MON2: variants seen among roughly 807,000 people sequenced by gnomAD.
MON2 encodes protein MON2 homolog.
Under a neutral mutation model 208.6 loss-of-function variants are expected in MON2, and 84 were observed. That is an observed-to-expected ratio of 0.40 (90% CI 0.34 to 0.48). The LOEUF is 0.48. Among genes scored for constraint, MON2 ranks in the 20% least tolerant of loss-of-function variants. MON2 has a pLI of 0.59. For missense variants in MON2, 1,611 were observed against 2,015.4 expected, an observed-to-expected ratio of 0.80 and a Z score of 3.84; for synonymous variants, 660 against 694.0, an observed-to-expected ratio of 0.95 and a Z score of 0.77.
chr12:62,571,462 C>T lies in MON2; in HGVS notation c.4394C>T (p.Ser1465Phe). The change falls in exon 30 of 35, where the codon TCT (serine) becomes TTT (phenylalanine). Residue 1465 changes from serine (S) to phenylalanine (F), a missense_variant. Transcript: ENST00000393630. ...SESTWKLAVS[S>F]LLRVLSIGLP... Reference sequence around the variant, plus strand: ...AGCACATGGAAACTAGCAGTATCCTCTCTCCTCAGAGTTCTTTCTATTGGG... The same window carrying T: ...AGCACATGGAAACTAGCAGTATCCTTTCTCCTCAGAGTTCTTTCTATTGGG... The T allele has an allele frequency of 6.2e-7, 1 of 1,613,182 alleles. No individual in the cohort carries two copies. The highest frequency in any genetic ancestry group is 2.2e-5 in the East Asian group (1 of 44,858).
At chr12:62,589,283 T>C (rs1353817862) in intron 34 of MON2, among the ~76,000 whole-genome samples, 5 of 152,220 alleles carry the variant, frequency 3.3e-5, no homozygotes, top group African/African-American at 1.2e-4. Flanking sequence ...TGGTTTACAT[T>C]CTGGCACAAG....
intron 22 of MON2, among the ~76,000 whole-genome samples, chr12:62,547,898 G>T (rs2073565995): frequency 6.6e-6 from 1 of 152,102 alleles, no homozygotes; most frequent in Non-Finnish European, 1.5e-5. Flanking sequence ...CTAGGTTTGT[G>T]TCAGTAAACT....
chr12:62,536,592 A>G (rs2072983091), intron 14 of MON2, among the ~76,000 whole-genome samples: 1 of 152,182 alleles, frequency 6.6e-6, no homozygotes, highest in South Asian at 2.1e-4. Flanking sequence ...GCTTATGAAG[A>G]AATCTACCAA....
intron 26 of MON2, among the ~76,000 whole-genome samples, chr12:62,564,817 C>T (rs1030331080): frequency 4.1e-4 from 63 of 152,144 alleles, no homozygotes; most frequent in African/African-American, 1.4e-3. Context: ...AGTTGGTGGA[C>T]CAGGCATGGT....
At chr12:62,511,275 A>G (rs949047683) in intron 8 of MON2, among the ~76,000 whole-genome samples, 2 of 152,230 alleles carry the variant, frequency 1.3e-5, no homozygotes, top group African/African-American at 2.4e-5. Context: ...TTCATATTGA[A>G]TCTCAAGGGA....
chr12:62,548,834 T>A (rs2073615472), intron 22 of MON2, among the ~76,000 whole-genome samples: 1 of 152,196 alleles, frequency 6.6e-6, no homozygotes, highest in African/African-American at 2.4e-5. Context: ...TAAATACTTC[T>A]TATTATCTTT....
At chr12:62,500,704 A>G (rs2070779934) in intron 5 of MON2, 79 bp from the exon 6 acceptor site, 1 of 668,378 alleles carries the variant, frequency 1.5e-6, no homozygotes, top group Non-Finnish European at 2.5e-6. Context: ...ATTTATTTTA[A>G]ACATTATCTT....
chr12:62,537,808 AATAG>A lies in MON2; in HGVS notation c.2118+107_2118+110del, dbSNP rs1565660490. 1.7e-5 allele frequency: 15 copies of A among 880,708 alleles called. 1 individual carries two copies. Among genetic ancestry groups the A allele is most frequent in the South Asian group, 1.7e-4 (10 of 59,850 alleles). 54.6% of individuals were successfully genotyped at this position (880,708 alleles called of 1,614,324 possible). A position where few individuals can be genotyped will look rare whatever the true frequency, so the allele number is the denominator to read the frequency against. The stretch of plus-strand genomic sequence containing the variant: ...TTTGATGTTTTGGACAGGCCTAAAA[AATAG>A]ATAGTAAGTATGAAAAAAGAGAAGT... On this transcript the variant is annotated intron_variant, in intron 16 of 34. Transcript: ENST00000393630.
At chr12:62,545,066 A>G in intron 21 of MON2, 58 bp downstream of exon 21, 2 of 1,134,672 alleles carry the variant, frequency 1.8e-6, no homozygotes, top group Non-Finnish European at 2.5e-6. Flanking sequence ...CCTCCTCCAT[A>G]TGTGATTTTT....
At chr12:62,544,718 C>T in intron 20 of MON2, 180 bp from the exon 21 acceptor site, 1 of 1,481,984 alleles carries the variant, frequency 6.7e-7, no homozygotes, top group Non-Finnish European at 9.1e-7. Flanking sequence ...GTTTTAGTTT[C>T]ATCTTTTTTC....
chr12:62,549,313 A>G (rs1406764648), intron 22 of MON2, among the ~76,000 whole-genome samples: 1 of 152,098 alleles, frequency 6.6e-6, no homozygotes, highest in Non-Finnish European at 1.5e-5. Context: ...GTATTTTTAC[A>G]CATTTCTTTT....
chr12:62,499,759 G>A (rs976539639), intron 5 of MON2, among the ~76,000 whole-genome samples: 2 of 151,900 alleles, frequency 1.3e-5, no homozygotes, highest in Admixed American at 6.6e-5. Flanking sequence ...TGTAGTCCCA[G>A]CTACTCCAGA....
intron 22 of MON2, among the ~76,000 whole-genome samples, chr12:62,548,549 T>C (rs1029222202): frequency 6.6e-6 from 1 of 152,210 alleles, no homozygotes; most frequent in Non-Finnish European, 1.5e-5. Flanking sequence ...GAGAATATTA[T>C]GGAAAGTTAA....
chr12:62,596,643 C>G lies in MON2; in HGVS notation c.*3894C>G, dbSNP rs1172100210. 6.6e-6 allele frequency: 1 copy of G among 152,114 alleles called. No individual in the cohort carries two copies. Among genetic ancestry groups the G allele is most frequent in the African/African-American group, 2.4e-5 (1 of 41,414 alleles). 9.4% of individuals were successfully genotyped at this position (152,114 alleles called of 1,614,324 possible). On this transcript the variant is annotated 3_prime_UTR_variant, in exon 35 of 35. Transcript: ENST00000393630. ...TTTTTATTTTAAAAAAATTGTCATT[C>G]ATGAGAAGAATGGGAGTTCATGCCA...
Position 62,565,167 on chromosome 12 carries a change from A to G in MON2, c.4033-70A>G, listed in dbSNP as rs1038284865. On this transcript the variant is annotated intron_variant, in intron 26 of 34. Transcript: ENST00000393630. Reference sequence around the variant, plus strand: ...TTTTTAAGATTCTGTGGTTAAACAAATATATACACAGTAAAGAACTTAATG... The same window carrying G: ...TTTTTAAGATTCTGTGGTTAAACAAGTATATACACAGTAAAGAACTTAATG... The G allele has an allele frequency of 7.6e-6, 11 of 1,445,544 alleles. No homozygotes were observed. The Admixed American group carries it at 1.0e-4, about 13-fold the overall frequency. 89.5% of individuals were successfully genotyped at this position (1,445,544 alleles called of 1,614,324 possible). A position where few individuals can be genotyped will look rare whatever the true frequency, so the allele number is the denominator to read the frequency against.
intron 32 of MON2, among the ~76,000 whole-genome samples, chr12:62,583,666 A>G (rs1487136383): frequency 6.6e-5 from 10 of 151,800 alleles, no homozygotes; most frequent in Admixed American, 6.6e-4. Context: ...AAGACATTGG[A>G]GGCCAGGCAC....
chr12:62,555,875 G>C (rs2073948634), intron 24 of MON2, 119 bp from the exon 25 acceptor site: 1 of 688,252 alleles, frequency 1.5e-6, no homozygotes, highest in Admixed American at 2.6e-5. Flanking sequence ...TATAGGGATT[G>C]ATAAGACTGT....
chr12:62,527,776 G>C (rs938686511), intron 11 of MON2, among the ~76,000 whole-genome samples: 3 of 151,650 alleles, frequency 2.0e-5, no homozygotes, highest in African/African-American at 7.3e-5. Flanking sequence ...GGACAGAAAG[G>C]GTCTCCCTGA....
At chr12:62,478,570 T>C (rs972257915) in intron 1 of MON2, among the ~76,000 whole-genome samples, 1 of 152,230 alleles carries the variant, frequency 6.6e-6, no homozygotes, top group Non-Finnish European at 1.5e-5. Flanking sequence ...AATTTGGGTT[T>C]GTATTTCATT....
Sources: allele counts gnomAD v4.1 joint callset (sites outside exome capture counted in the v4.1 genomes callset), GRCh38; gene constraint gnomAD v4.1.1; transcripts MANE v1.5; gene names NCBI Gene and HGNC (gene_info 2026-07-23, HGNC 2026-07-21).